The following LIPA variants were observed in gnomAD, a reference collection of about 807,000 sequenced individuals.
LIPA encodes lysosomal acid lipase/cholesteryl ester hydrolase.
LIPA carries 26 observed loss-of-function variants against 40.6 expected under a neutral mutation model. That is an observed-to-expected ratio of 0.64 (90% CI 0.47 to 0.89). LIPA has a LOEUF of 0.89. Ranked by LOEUF, LIPA falls within the 40% of genes least tolerant of loss-of-function variation. The probability of loss-of-function intolerance (pLI) is 0.00; values close to 1 mark genes in which losing one functional copy is unlikely to be tolerated. For missense variants in LIPA, 455 were observed against 479.6 expected (o/e 0.95, Z 0.48); for synonymous variants, 188 against 168.4 (o/e 1.12, Z -0.90).
In LIPA at chr10:89,356,797, T is replaced by C. The variant is rs184606990; in HGVS notation, c.61+55994A>G. Among the ~76,000 whole-genome samples the C allele has an allele frequency of 1.9e-4, 29 of 152,358 alleles. No individual in the cohort carries two copies. The East Asian group carries it at 5.6e-3, about 29-fold the overall frequency. Reference sequence around the variant, plus strand: ...CCTGAAACCATCCCTGCCCAGTCTGTGGAAAAACTGACTTCCACAAAACCA... The same window carrying C: ...CCTGAAACCATCCCTGCCCAGTCTGCGGAAAAACTGACTTCCACAAAACCA... On this transcript the variant is annotated intron_variant, in intron 2 of 8. Coordinates refer to the LIPA transcript ENST00000371837.
chr10:89,316,664 G>A (rs920993915), intron 1 of LIPA, among the ~76,000 whole-genome samples: 3 of 152,206 alleles, frequency 2.0e-5, no homozygotes, highest in Admixed American at 6.5e-5. Flanking sequence ...ACAAAAGGCA[G>A]CAGAAACTTC....
chr10:89,376,187 T>TAAAAA (rs66954730), intron 2 of LIPA, among the ~76,000 whole-genome samples: 13 of 102,490 alleles, frequency 1.3e-4, no homozygotes, highest in East Asian at 9.0e-4. Context: ...GACTCTATCT[T>TAAAAA]AAAAAAAAAA....
At chr10:89,226,682 G>A (rs1842773708) in intron 5 of LIPA, among the ~76,000 whole-genome samples, 1 of 152,080 alleles carries the variant, frequency 6.6e-6, no homozygotes, top group Non-Finnish European at 1.5e-5. Flanking sequence ...ATATATTGTG[G>A]CTTACATTAA....
At chr10:89,362,732 C>A in intron 2 of LIPA, 1 of 743,484 alleles carries the variant, frequency 1.3e-6, no homozygotes, top group Non-Finnish European at 2.1e-6. Flanking sequence ...CTGAGATGAA[C>A]TGTGAGGAAG....
At chr10:89,224,078 TCAGCGGA>T (rs1842736350) in intron 6 of LIPA, among the ~76,000 whole-genome samples, 2 of 152,220 alleles carry the variant, frequency 1.3e-5, no homozygotes, top group Admixed American at 6.5e-5. Context: ...AAATAAGTTT[TCAGCGGA>T]CTTCTACAGT....
chr10:89,303,009 CA>C lies in LIPA; in HGVS notation c.-2+39601del, dbSNP rs11420925. Among the ~76,000 whole-genome samples the C allele has an allele frequency of 7.0e-3, 927 of 132,028 alleles. 1 individual carries two copies. The highest frequency in any genetic ancestry group is 0.013 in the African/African-American group (483 of 36,936). The allele number at this position is 132,028 out of a possible 152,430, so 86.6% of individuals were successfully genotyped here. On this transcript the variant is annotated intron_variant, in intron 1 of 5. Transcript: ENST00000282673. ...CTAGTCTAAATGTTCTGCCTGATTT[CA>C]AAAAAAAAAAAAAAGATTTGAGATA... is the stretch of plus-strand genomic sequence containing the variant.
chr10:89,222,751 T>C (rs1019200615), intron 7 of LIPA, among the ~76,000 whole-genome samples, 169 bp from the exon 8 acceptor site: 22 of 152,180 alleles, frequency 1.4e-4, no homozygotes, highest in African/African-American at 5.1e-4. Context: ...CCTATAAAAA[T>C]ACATACAACC....
At chr10:89,250,729 T>C (rs1308451986) in intron 1 of LIPA, among the ~76,000 whole-genome samples, 3 of 152,214 alleles carry the variant, frequency 2.0e-5, no homozygotes, top group African/African-American at 7.2e-5. Context: ...GCTACTCAGC[T>C]GAAAATCTCA....
At chr10:89,402,257 G>C (rs781267375) in intron 2 of LIPA, 28 of 1,506,434 alleles carry the variant, frequency 1.9e-5, no homozygotes, top group Non-Finnish European at 9.0e-7. Flanking sequence ...ACCTAACAAA[G>C]AAAATCTGTT....
At chr10:89,261,062 T>A (rs773007862) in intron 1 of LIPA, among the ~76,000 whole-genome samples, 11 of 152,204 alleles carry the variant, frequency 7.2e-5, no homozygotes, top group Non-Finnish European at 1.5e-4. Flanking sequence ...TTGCCTTTGA[T>A]TCCTATTAAC....
chr10:89,255,257 G>A (rs866917167), upstream of LIPA, among the ~76,000 whole-genome samples: 26 of 152,352 alleles, frequency 1.7e-4, no homozygotes, highest in African/African-American at 6.0e-4. Context: ...TGGCTAGGGA[G>A]GCCTCACAAT....
chr10:89,337,893 G>C (rs1442254215), intron 1 of LIPA, among the ~76,000 whole-genome samples: 1 of 152,134 alleles, frequency 6.6e-6, no homozygotes, highest in Non-Finnish European at 1.5e-5. Flanking sequence ...CCTTGTGATG[G>C]TACAAAAGTG....
intron 1 of LIPA, among the ~76,000 whole-genome samples, chr10:89,327,260 G>A (rs1298030889): frequency 6.6e-6 from 1 of 152,156 alleles, no homozygotes; most frequent in Non-Finnish European, 1.5e-5. Context: ...CTTAAAAAGA[G>A]CATGTTCTGG....
chr10:89,231,619 G>A (rs1842843529), intron 3 of LIPA, among the ~76,000 whole-genome samples: 1 of 152,172 alleles, frequency 6.6e-6, no homozygotes, highest in Non-Finnish European at 1.5e-5. Flanking sequence ...GATTACAGGT[G>A]TGTACCACAA....
At chr10:89,233,043 C>T (rs1415018128) in intron 3 of LIPA, among the ~76,000 whole-genome samples, 3 of 152,306 alleles carry the variant, frequency 2.0e-5, no homozygotes, top group East Asian at 3.9e-4. Context: ...GAATTCACAC[C>T]TGCACAACGC....
Position 89,363,774 on chromosome 10 carries a change from C to CAAAAA in LIPA, c.61+49012_61+49016dup, listed in dbSNP as rs760221407. 4.9e-3 allele frequency among the ~76,000 whole-genome samples: 452 copies of CAAAAA among 93,068 alleles called. 8 individuals carry two copies. The highest frequency in any genetic ancestry group is 0.038 in the East Asian group (115 of 3,066). The allele number at this position is 93,068 out of a possible 152,430, so 61.1% of individuals were successfully genotyped here. A position where few individuals can be genotyped will look rare whatever the true frequency, so the allele number is the denominator to read the frequency against. ...CCTGGGCAACAGAGCCAGACTCCAT[C>CAAAAA]AAAAAAAAAAAAAAAAAAGCGAGGG... is the stretch of plus-strand genomic sequence containing the variant. On this transcript the variant is annotated intron_variant, in intron 2 of 8. Coordinates refer to the LIPA transcript ENST00000371837.
intron 2 of LIPA, among the ~76,000 whole-genome samples, chr10:89,387,976 A>T (rs1844221750): frequency 6.6e-6 from 1 of 152,240 alleles, no homozygotes; most frequent in Non-Finnish European, 1.5e-5. Flanking sequence ...GAGACAAATT[A>T]TCCAAAATAT....
chr10:89,392,577 C>T, intron 2 of LIPA: 1 of 817,198 alleles, frequency 1.2e-6, no homozygotes, highest in Non-Finnish European at 2.0e-6. Flanking sequence ...ACACCATTGG[C>T]TGCTGTTTAG....
At chr10:89,284,707 T>C (rs968251294) in intron 1 of LIPA, among the ~76,000 whole-genome samples, 3 of 152,208 alleles carry the variant, frequency 2.0e-5, no homozygotes, top group Admixed American at 6.5e-5. Flanking sequence ...TGTGTACACC[T>C]GTATACGCTA....
Sources: gnomAD v4.1 joint callset for allele counts (sites outside exome capture counted in the v4.1 genomes callset) on GRCh38, gnomAD v4.1.1 for gene constraint, MANE v1.5 for transcripts, NCBI Gene and HGNC (gene_info 2026-07-23, HGNC 2026-07-21) for gene names.